The following ATG10 variants were observed in gnomAD, a reference collection of about 807,000 sequenced individuals.
ATG10 encodes the protein autophagy related 10, also known as ubiquitin-like-conjugating enzyme ATG10.
Under a neutral mutation model 32.1 loss-of-function variants are expected in ATG10, and 30 were observed. That is an observed-to-expected ratio of 0.94 (90% confidence interval 0.70 to 1.27). The LOEUF (loss-of-function observed/expected upper bound fraction) is 1.27, where lower values mean the gene tolerates loss of function less well. Among genes scored for constraint, ATG10 ranks in the 50% most tolerant of loss-of-function variants. The pLI is 0.00. For synonymous variants in ATG10, 87 were observed against 91.5 expected (o/e 0.95, Z 0.28); for missense variants, 233 against 262.3 (o/e 0.89, Z 0.77).
rs561978185 is a variant in ATG10, at chr5:82,104,654, A to G, written c.216+46052A>G. Among the ~76,000 whole-genome samples the G allele has an allele frequency of 1.4e-4, 21 of 152,242 alleles. No individual in the cohort carries two copies. In the East Asian group the frequency reaches 3.9e-3, roughly 28 times the overall value. ...GCAAGAGAAAGAGCAGAGAGTTACA[A>G]TAATTTAAAACTCAATAGTTTTTTC... is the stretch of plus-strand genomic sequence containing the variant. On this transcript the variant is annotated intron_variant, in intron 3 of 7. Coordinates refer to ENST00000282185, the MANE Select transcript of ATG10 (RefSeq NM_031482.5).
intron 5 of ATG10, among the ~76,000 whole-genome samples, chr5:82,235,593 C>A (rs1043383178): frequency 1.3e-5 from 2 of 152,218 alleles, no homozygotes; most frequent in Non-Finnish European, 2.9e-5. Context: ...CTGTCACCCT[C>A]AGGTGAGGGC....
At chr5:82,130,228 CT>C (rs1307823762) in intron 3 of ATG10, among the ~76,000 whole-genome samples, 9 of 152,320 alleles carry the variant, frequency 5.9e-5, no homozygotes, top group African/African-American at 2.2e-4. Context: ...CGACTTCAGA[CT>C]GCTATGCTGG....
intron 2 of ATG10, among the ~76,000 whole-genome samples, chr5:82,020,597 G>T (rs1021607244): frequency 6.6e-6 from 1 of 152,196 alleles, no homozygotes; most frequent in Non-Finnish European, 1.5e-5. Flanking sequence ...GCTTGCTTAT[G>T]CATGTGCTGT....
intron 5 of ATG10, among the ~76,000 whole-genome samples, chr5:82,230,732 CAAAAAA>C (rs397881697): frequency 5.1e-5 from 3 of 58,792 alleles, no homozygotes; most frequent in South Asian, 1.7e-3. Context: ...GACTCCGTCT[CAAAAAA>C]AAAAAAAAAA....
At chr5:82,220,451 A>ATGGGGT (rs1745869999) in intron 5 of ATG10, among the ~76,000 whole-genome samples, 1 of 151,508 alleles carries the variant, frequency 6.6e-6, no homozygotes, top group Non-Finnish European at 1.5e-5. Context: ...TTTAGTAGAG[A>ATGGGGT]TGGGGTTTCA....
intron 3 of ATG10, among the ~76,000 whole-genome samples, chr5:82,060,570 A>G (rs986181689): frequency 3.9e-5 from 6 of 152,210 alleles, no homozygotes; most frequent in African/African-American, 1.2e-4. Context: ...CGCAGGTTAA[A>G]GGTTCATGTC....
intron 1 of ATG10, among the ~76,000 whole-genome samples, chr5:81,981,171 A>G (rs1435250983): frequency 6.6e-6 from 1 of 152,176 alleles, no homozygotes; most frequent in Non-Finnish European, 1.5e-5. Context: ...AGGCTGCCAA[A>G]TGTCTTGAAA....
intron 2 of ATG10, among the ~76,000 whole-genome samples, chr5:82,040,806 T>G (rs1763061829): frequency 6.6e-6 from 1 of 152,184 alleles, no homozygotes; most frequent in Non-Finnish European, 1.5e-5. Flanking sequence ...ATCAAATGGA[T>G]AGAAATATAA....
chr5:82,091,458 A>T (rs542599738), intron 3 of ATG10, among the ~76,000 whole-genome samples: 2 of 152,278 alleles, frequency 1.3e-5, no homozygotes, highest in East Asian at 3.9e-4. Flanking sequence ...GAGTAGAGCT[A>T]AAAGGAGGCA....
intron 3 of ATG10, among the ~76,000 whole-genome samples, chr5:82,103,971 T>C (rs914743198): frequency 6.6e-6 from 1 of 152,224 alleles, no homozygotes; most frequent in South Asian, 2.1e-4. Context: ...TATTCTTTCA[T>C]GTCTGTCTTC....
At chr5:82,173,971 C>A (rs1239671556) in intron 4 of ATG10, among the ~76,000 whole-genome samples, 4 of 152,080 alleles carry the variant, frequency 2.6e-5, no homozygotes, top group Admixed American at 1.3e-4. Context: ...CTTCAGGTTT[C>A]TACTTTGTTT....
chr5:82,017,887 G>A (rs1358673396), intron 2 of ATG10, among the ~76,000 whole-genome samples: 3 of 151,776 alleles, frequency 2.0e-5, no homozygotes, highest in Non-Finnish European at 4.4e-5. Context: ...TTCCTTTTCA[G>A]TCTCCTTTGC....
chr5:82,239,419 G>GA (rs1386932389), intron 5 of ATG10, among the ~76,000 whole-genome samples: 1 of 152,078 alleles, frequency 6.6e-6, no homozygotes, highest in Non-Finnish European at 1.5e-5. Flanking sequence ...TGCCCTCAAG[G>GA]AATTAAAGAG....
intron 3 of ATG10, among the ~76,000 whole-genome samples, chr5:82,097,352 GTATT>G (rs1765104742): frequency 6.6e-6 from 1 of 152,070 alleles, no homozygotes; most frequent in Admixed American, 6.6e-5. Context: ...AAATAGCAAA[GTATT>G]TAATAAATTC....
chr5:82,058,866 G>A (rs540174795), intron 3 of ATG10, among the ~76,000 whole-genome samples: 1 of 152,144 alleles, frequency 6.6e-6, no homozygotes, highest in Non-Finnish European at 1.5e-5. Flanking sequence ...AATACTGAAA[G>A]CAAGAATTGT....
intron 1 of ATG10, among the ~76,000 whole-genome samples, chr5:81,974,520 T>A (rs1018369681): frequency 2.6e-5 from 4 of 152,204 alleles, no homozygotes; most frequent in Admixed American, 2.6e-4. Context: ...AGAAAACCTT[T>A]TTATCATCTC....
chr5:82,214,571 G>A (rs545334612), intron 5 of ATG10, among the ~76,000 whole-genome samples: 11 of 152,198 alleles, frequency 7.2e-5, no homozygotes, highest in Admixed American at 7.2e-4. Context: ...TCATTCTTAC[G>A]TTTATGTGTA....
intron 3 of ATG10, among the ~76,000 whole-genome samples, chr5:82,131,282 T>C (rs1222274836): frequency 6.6e-6 from 1 of 152,184 alleles, no homozygotes; most frequent in Non-Finnish European, 1.5e-5. Flanking sequence ...GGGAGTAGTC[T>C]GAATTTAAGG....
At chr5:81,992,047 A>G (rs1761480741) in intron 2 of ATG10, 2 of 151,996 alleles carry the variant, frequency 1.3e-5, no homozygotes, top group East Asian at 1.9e-4. Flanking sequence ...CTGGGGTGCA[A>G]TGGCATGATC....
Sources: allele counts gnomAD v4.1 joint callset (sites outside exome capture counted in the v4.1 genomes callset), GRCh38; gene constraint gnomAD v4.1.1; transcripts MANE v1.5; gene names NCBI Gene and HGNC (gene_info 2026-07-23, HGNC 2026-07-21).